Variants in AVL9 observed in about 807,000 individuals in gnomAD.
AVL9 encodes the protein AVL9 cell migration associated, also known as late secretory pathway protein AVL9 homolog.
A neutral mutation model predicts 79.2 loss-of-function variants in AVL9; 49 were observed. The observed-to-expected ratio is 0.62, with a 90% confidence interval of 0.49 to 0.79. The LOEUF is 0.79. Ranked by LOEUF, AVL9 falls within the 30% of genes least tolerant of loss-of-function variation. The pLI, the probability that AVL9 is intolerant of heterozygous loss-of-function variation, is 0.00. For synonymous variants in AVL9, 299 were observed against 280.6 expected (o/e 1.07, Z -0.65); for missense variants, 682 against 776.8 (o/e 0.88, Z 1.45).
At chr7:32,551,723 C>G (rs1290240855) in intron 5 of AVL9, among the ~76,000 whole-genome samples, 2 of 142,992 alleles carry the variant, frequency 1.4e-5, no homozygotes, top group Non-Finnish European at 3.0e-5. Context: ...ATTTGCTTAT[C>G]TTATTAATAA....
At chr7:32,513,821 G>C (rs2128119550) in intron 1 of AVL9, among the ~76,000 whole-genome samples, 1 of 152,360 alleles carries the variant, frequency 6.6e-6, no homozygotes, top group Non-Finnish European at 1.5e-5. Context: ...TGAGGGGAAT[G>C]TGGTGTAACT....
At chr7:32,582,388 A>G (rs967011227) in intron 15 of AVL9, among the ~76,000 whole-genome samples, 4 of 152,226 alleles carry the variant, frequency 2.6e-5, no homozygotes, top group Non-Finnish European at 4.4e-5. Context: ...AGAAAACTCT[A>G]CAGACTCATT....
intron 13 of AVL9, among the ~76,000 whole-genome samples, chr7:32,579,295 T>TTA (rs1162009780): frequency 2.8e-5 from 2 of 71,652 alleles, no homozygotes; most frequent in Non-Finnish European, 4.9e-5. Flanking sequence ...TATATATGTA[T>TTA]TATATATATT....
At chr7:32,504,261 AT>A in intron 1 of AVL9, among the ~76,000 whole-genome samples, 1 of 152,162 alleles carries the variant, frequency 6.6e-6, no homozygotes, top group Non-Finnish European at 1.5e-5. Flanking sequence ...GAAAGTTCTA[AT>A]TTTTTTCCTG....
chr7:32,519,489 C>T (rs899364430), intron 1 of AVL9, among the ~76,000 whole-genome samples: 2 of 151,614 alleles, frequency 1.3e-5, no homozygotes, highest in African/African-American at 4.8e-5. Context: ...AGTTCAGATG[C>T]CTTTTAATTC....
intron 1 of AVL9, among the ~76,000 whole-genome samples, chr7:32,509,229 C>T (rs1023294251): frequency 1.2e-4 from 19 of 152,028 alleles, no homozygotes; most frequent in Non-Finnish European, 2.6e-4. Context: ...AGGAGACTTT[C>T]CTTAAGGGCA....
At chr7:32,539,057 G>C (rs1033828982) in intron 1 of AVL9, 1 of 152,286 alleles carries the variant, frequency 6.6e-6, no homozygotes, top group African/African-American at 2.4e-5. Flanking sequence ...TTTGAGACTA[G>C]CCTGACCAAC....
At chr7:32,526,937 T>C (rs1350441882) in intron 1 of AVL9, among the ~76,000 whole-genome samples, 1 of 152,164 alleles carries the variant, frequency 6.6e-6, no homozygotes, top group Non-Finnish European at 1.5e-5. Flanking sequence ...TTCCTGAGGC[T>C]GCATCCCATC....
chr7:32,578,016 G>A (rs1210627858), intron 13 of AVL9, among the ~76,000 whole-genome samples: 5 of 152,164 alleles, frequency 3.3e-5, no homozygotes, highest in African/African-American at 9.7e-5. Flanking sequence ...CCAAGCTCGT[G>A]TACCCAACCC....
At chr7:32,534,758 A>AC (rs1392728351) in intron 1 of AVL9, 2 of 152,230 alleles carry the variant, frequency 1.3e-5, no homozygotes, top group African/African-American at 4.8e-5. Flanking sequence ...AGCCTGGCCA[A>AC]CATGGTGAAA....
intron 1 of AVL9, among the ~76,000 whole-genome samples, chr7:32,515,767 C>T (rs1358690875): frequency 6.6e-6 from 1 of 152,036 alleles, no homozygotes; most frequent in East Asian, 1.9e-4. Flanking sequence ...GTTGTTTGTT[C>T]TGGTCTTTCT....
intron 6 of AVL9, among the ~76,000 whole-genome samples, chr7:32,552,929 T>C (rs1789899534): frequency 6.6e-6 from 1 of 152,186 alleles, no homozygotes; most frequent in Admixed American, 6.6e-5. Flanking sequence ...AGGTTAGGGA[T>C]TTTTGTTTAA....
intron 1 of AVL9, among the ~76,000 whole-genome samples, chr7:32,521,032 A>T (rs1226309921): frequency 1.3e-5 from 2 of 151,960 alleles, no homozygotes; most frequent in African/African-American, 4.8e-5. Flanking sequence ...GCCGACATGT[A>T]ATAATTGCCT....
Position 32,495,772 on chromosome 7 carries a change from G to T in AVL9, c.63G>T (p.Val21=). ...GGGGGCCCGTACTGCACATCGTGGT[G>T]GTCGGATTTCACCACAAGAAGGGCT... ...VPRGPVLHIV[V]VGFHHKKGCQ... The change falls in exon 1 of 16, where the codon GTG becomes GTT. Residue 21 remains valine, a synonymous_variant. Coordinates refer to ENST00000318709, the MANE Select transcript of AVL9 (RefSeq NM_015060.3). The T allele has an allele frequency of 7.9e-7, 1 of 1,260,482 alleles. No individual in the cohort carries two copies. Among genetic ancestry groups the T allele is most frequent in the South Asian group, 3.4e-5 (1 of 29,796 alleles). The allele number at this position is 1,260,482 out of a possible 1,614,324, so 78.1% of individuals were successfully genotyped here. A position where few individuals can be genotyped will look rare whatever the true frequency, so the allele number is the denominator to read the frequency against.
chr7:32,571,196 C>A (rs1482696225), intron 11 of AVL9, among the ~76,000 whole-genome samples: 1 of 144,000 alleles, frequency 6.9e-6, no homozygotes, highest in Non-Finnish European at 1.5e-5. Context: ...TGCACCACTG[C>A]ACTCCAGCCT....
In AVL9 at chr7:32,570,138, G is replaced by A; in HGVS notation, c.1334G>A (p.Ser445Asn). ...NILFRQQKHL[S>N]DAIVEVEEAL... is the part of the protein sequence containing the mutation. ...CTTTTTCGACAACAGAAACACCTCAGTGATGCCATTGTGGAAGTACGTTTA... is the reference window on the plus strand; with the variant it reads ...CTTTTTCGACAACAGAAACACCTCAATGATGCCATTGTGGAAGTACGTTTA... Residue 445 changes from serine to asparagine, a missense_variant, in exon 11 of 16, where the codon AGT becomes AAT. Coordinates refer to ENST00000318709, the MANE Select transcript of AVL9 (RefSeq NM_015060.3). 1 of 1,614,182 alleles carries A rather than the reference G, an allele frequency of 6.2e-7. No individual in the cohort carries two copies. Among genetic ancestry groups the A allele is most frequent in the East Asian group, 2.2e-5 (1 of 44,880 alleles).
intron 11 of AVL9, among the ~76,000 whole-genome samples, chr7:32,571,484 T>G (rs2128149238): frequency 6.6e-6 from 1 of 151,184 alleles, no homozygotes; most frequent in South Asian, 2.1e-4. Context: ...GCCGAGATCG[T>G]GCCACTGCAC....
intron 9 of AVL9, 100 bp downstream of exon 9, chr7:32,558,728 CT>C: frequency 1.8e-6 from 2 of 1,127,212 alleles, no homozygotes; most frequent in Non-Finnish European, 2.5e-6. Context: ...TAGGGTTATC[CT>C]TTCTATTTTA....
chr7:32,544,470 T>TTATAA (rs2128134893), intron 2 of AVL9, among the ~76,000 whole-genome samples: 1 of 152,368 alleles, frequency 6.6e-6, no homozygotes, highest in East Asian at 1.9e-4. Context: ...GTTTGACCTG[T>TTATAA]TATAATTCAG....
Sources: allele counts gnomAD v4.1 joint callset (sites outside exome capture counted in the v4.1 genomes callset), GRCh38; gene constraint gnomAD v4.1.1; transcripts MANE v1.5; gene names NCBI Gene and HGNC (gene_info 2026-07-23, HGNC 2026-07-21).